GLI2: variants seen among roughly 807,000 people sequenced by gnomAD.
GLI2 encodes the protein GLI family zinc finger 2, also known as transcription activator GLI2.
A neutral mutation model predicts 78.9 loss-of-function variants in GLI2; 22 were observed. That is an observed-to-expected ratio of 0.28 (90% confidence interval 0.20 to 0.40). GLI2 has a LOEUF of 0.40. Ranked by LOEUF, GLI2 falls within the 10% of genes least tolerant of loss-of-function variation. The probability of loss-of-function intolerance (pLI) is 1.00; values close to 1 mark genes in which losing one functional copy is unlikely to be tolerated. For missense variants in GLI2, 2,097 were observed against 2,213.2 expected, an observed-to-expected ratio of 0.95 and a Z score of 1.05; for synonymous variants, 974 against 963.7, an observed-to-expected ratio of 1.01 and a Z score of -0.20.
At chr2:120,823,052 C>T (rs1199478283) in intron 2 of GLI2, among the ~76,000 whole-genome samples, 1 of 125,522 alleles carries the variant, frequency 8.0e-6, no homozygotes, top group Non-Finnish European at 1.6e-5. Context: ...AAGGACATCC[C>T]AACAGGGAAC....
intron 2 of GLI2, among the ~76,000 whole-genome samples, chr2:120,876,150 G>A (rs1573520648): frequency 6.6e-6 from 1 of 152,142 alleles, no homozygotes; most frequent in African/African-American, 2.4e-5. Context: ...GACCATCCTG[G>A]CTAACGCGGT....
At chr2:120,790,627 C>T (rs956104194) in intron 1 of GLI2, among the ~76,000 whole-genome samples, 3 of 152,170 alleles carry the variant, frequency 2.0e-5, no homozygotes, top group African/African-American at 7.2e-5. Context: ...CCCACCCGTC[C>T]ACACTCTGGA....
intron 3 of GLI2, among the ~76,000 whole-genome samples, chr2:120,939,265 G>A (rs1680341744): frequency 6.6e-6 from 1 of 151,862 alleles, no homozygotes; most frequent in South Asian, 2.1e-4. Flanking sequence ...CTGGGCAAGA[G>A]CGAAACTCCA....
intron 2 of GLI2, among the ~76,000 whole-genome samples, chr2:120,879,004 T>C (rs1391546175): frequency 2.0e-5 from 3 of 152,102 alleles, no homozygotes; most frequent in African/African-American, 7.2e-5. Context: ...TATCTCAGCA[T>C]CCTCAGAAGC....
At chr2:120,861,859 A>G (rs1438197062) in intron 2 of GLI2, among the ~76,000 whole-genome samples, 3 of 152,200 alleles carry the variant, frequency 2.0e-5, no homozygotes, top group African/African-American at 7.2e-5. Flanking sequence ...CCACAGTGGA[A>G]TTGCAGAGCC....
At chr2:120,880,788 GA>G (rs1389971168) in intron 2 of GLI2, among the ~76,000 whole-genome samples, 1 of 152,186 alleles carries the variant, frequency 6.6e-6, no homozygotes, top group Non-Finnish European at 1.5e-5. Flanking sequence ...AACTGCTTTT[GA>G]AAATTAAAAT....
intron 4 of GLI2, among the ~76,000 whole-genome samples, chr2:120,954,136 A>G (rs1402748743): frequency 5.3e-5 from 8 of 152,314 alleles, no homozygotes; most frequent in African/African-American, 1.4e-4. Flanking sequence ...AGCAGCTGGC[A>G]GGAGGTCTGA....
At chr2:120,768,190 G>A (rs148777281) in intron 1 of GLI2, among the ~76,000 whole-genome samples, 5 of 152,320 alleles carry the variant, frequency 3.3e-5, no homozygotes, top group Non-Finnish European at 7.3e-5. Context: ...GCCTTTACCC[G>A]GCGTCGGCTG....
In GLI2 at chr2:120,748,883, CCAT is replaced by C. The variant is rs1206015253; in HGVS notation, c.-31+12600_-31+12602del. Among the ~76,000 whole-genome samples, 5 of 152,006 alleles carry C rather than the reference CCAT, an allele frequency of 3.3e-5. No homozygotes were observed. The East Asian group carries it at 9.6e-4, about 29-fold the overall frequency. On this transcript the variant is annotated intron_variant, in intron 1 of 13. Transcript: ENST00000361492. ...TCCATCCATCCATCCATCCATCCAT[CCAT>C]CCATCCTCAATCCATCATCATCCAA...
chr2:120,741,210 C>T (rs1260864086), intron 1 of GLI2, among the ~76,000 whole-genome samples: 1 of 152,164 alleles, frequency 6.6e-6, no homozygotes, highest in Non-Finnish European at 1.5e-5. Flanking sequence ...AAGCAAAGCC[C>T]CTGATGTGAT....
chr2:120,943,961 G>A (rs79892020), intron 3 of GLI2, among the ~76,000 whole-genome samples: 3,885 of 152,194 alleles, frequency 0.026, 183 homozygotes, highest in African/African-American at 0.088. Flanking sequence ...TGGCTCAGGC[G>A]GTGCTCAGGC....
intron 2 of GLI2, among the ~76,000 whole-genome samples, chr2:120,840,877 A>C (rs569870951): frequency 6.6e-6 from 1 of 152,214 alleles, no homozygotes; most frequent in African/African-American, 2.4e-5. Context: ...GGTCGCTAAA[A>C]AGAGATCCAC....
intron 1 of GLI2, among the ~76,000 whole-genome samples, chr2:120,758,114 G>C (rs1178054354): frequency 6.6e-6 from 1 of 152,162 alleles, no homozygotes. Flanking sequence ...GGTGTGAGGA[G>C]GGATGGCTGG....
At chr2:120,887,760 T>C (rs1677483782) in intron 2 of GLI2, among the ~76,000 whole-genome samples, 1 of 152,196 alleles carries the variant, frequency 6.6e-6, no homozygotes, top group Non-Finnish European at 1.5e-5. Flanking sequence ...GGTCTCCTCC[T>C]TGGGAAACAG....
intron 1 of GLI2, among the ~76,000 whole-genome samples, chr2:120,743,150 A>G (rs1682598679): frequency 6.6e-6 from 1 of 152,216 alleles, no homozygotes; most frequent in Non-Finnish European, 1.5e-5. Context: ...CATCGTGACC[A>G]TCAATGTACC....
Position 120,984,065 on chromosome 2 carries a change from T to A in GLI2, c.1633-406T>A, listed in dbSNP as rs903154099. ...ATGACTTGGAACCTGTTCCTTTGCC[T>A]CCCTGATCCTGCCTTTCTTCATCAG... On this transcript the variant is annotated intron_variant, in intron 11 of 13. Transcript: ENST00000361492. 5.3e-5 allele frequency among the ~76,000 whole-genome samples: 8 copies of A among 152,116 alleles called. No individual in the cohort carries two copies. The South Asian group carries it at 1.7e-3, about 32-fold the overall frequency.
At position 120,951,306 on chromosome 2, in the gene GLI2, C is replaced by A. The variant is rs759277639; in HGVS notation, c.318C>A (p.His106Gln). ...SDISLIRLSP[H>Q]PAGPGESPFN... ...TCTCCTTGATCCGGCTTTCCCCGCA[C>A]CCGGCTGGCCCTGGGGAGTCCCCCT... Residue 106 changes from histidine (H) to glutamine (Q), a missense_variant, in exon 4 of 14, where the codon CAC becomes CAA. This residue lies in a region of GLI2 where 578 missense variants were observed against 612.0 expected (regional missense o/e 0.94). Coordinates refer to ENST00000361492, the MANE Select transcript of GLI2 (RefSeq NM_001374353.1). The A allele has an allele frequency of 2.5e-6, 4 of 1,610,488 alleles. No homozygotes were observed. The highest frequency in any genetic ancestry group is 3.4e-6 in the Non-Finnish European group (4 of 1,176,806).
chr2:120,744,275 A>C (rs567316073), intron 1 of GLI2, among the ~76,000 whole-genome samples: 1 of 152,280 alleles, frequency 6.6e-6, no homozygotes, highest in Non-Finnish European at 1.5e-5. Context: ...GTCATGATAC[A>C]TTGTGTGTGT....
At chr2:120,787,638 G>C (rs17318047) in intron 1 of GLI2, among the ~76,000 whole-genome samples, 134 of 152,306 alleles carry the variant, frequency 8.8e-4, no homozygotes, top group Middle Eastern at 3.4e-3. Context: ...CTCAGGAATC[G>C]CGCTTCAGGA....
Sources: allele counts gnomAD v4.1 joint callset (sites outside exome capture counted in the v4.1 genomes callset), GRCh38; gene constraint gnomAD v4.1.1; regional missense constraint gnomAD v4.1.1; transcripts MANE v1.5; gene names NCBI Gene and HGNC (gene_info 2026-07-23, HGNC 2026-07-21).